NRXN1: variants seen among roughly 807,000 people sequenced by gnomAD.
NRXN1 encodes the protein neurexin-1.
In NRXN1, 39 loss-of-function variants were observed where a neutral mutation model predicts 150.9. That is an observed-to-expected ratio of 0.26 (90% CI 0.20 to 0.34). The LOEUF (loss-of-function observed/expected upper bound fraction) is 0.34. Among genes scored for constraint, NRXN1 ranks in the 10% least tolerant of loss-of-function variants. The pLI, the probability that NRXN1 is intolerant of heterozygous loss-of-function variation, is 1.00. For synonymous variants in NRXN1, 924 were observed against 757.0 expected (o/e 1.22, Z -3.62); for missense variants, 1,815 against 1,949.9 (o/e 0.93, Z 1.30).
At chr2:50,993,111 T>C (rs1296859072) in intron 2 of NRXN1, among the ~76,000 whole-genome samples, 1 of 151,944 alleles carries the variant, frequency 6.6e-6, no homozygotes, top group Admixed American at 6.6e-5. Flanking sequence ...GAAGCATACA[T>C]GTATTAGGAG....
intron 2 of NRXN1, among the ~76,000 whole-genome samples, chr2:50,978,475 A>G (rs560171190): frequency 6.6e-6 from 1 of 151,348 alleles, no homozygotes; most frequent in South Asian, 2.1e-4. Flanking sequence ...CAATTACCAT[A>G]CCATAATTCA....
chr2:50,433,563 AT>A (rs11383115), intron 17 of NRXN1, among the ~76,000 whole-genome samples: 1,932 of 144,458 alleles, frequency 0.013, 39 homozygotes, highest in African/African-American at 0.042. Flanking sequence ...GGAGGTAATA[AT>A]TTTTTTTTTT....
intron 10 of NRXN1, among the ~76,000 whole-genome samples, chr2:50,535,785 G>A (rs1350190863): frequency 2.0e-5 from 3 of 152,008 alleles, no homozygotes; most frequent in Non-Finnish European, 4.4e-5. Context: ...GCTTCCTTAG[G>A]CATGATAAAC....
rs980270362 is a variant in NRXN1, at chr2:50,349,450, C to T, written c.3365-112480G>A. ...AGAGCTTCAAAAAGAAAAGGAAAAT[C>T]ATCCACACAGTATGTTTTCAGGACT... On this transcript the variant is annotated intron_variant, in intron 17 of 22. Coordinates refer to ENST00000401669, the MANE Select transcript of NRXN1 (RefSeq NM_001330078.2). Among the ~76,000 whole-genome samples the T allele has an allele frequency of 5.9e-5, 9 of 152,164 alleles. No individual in the cohort carries two copies. The East Asian group carries it at 1.7e-3, about 29-fold the overall frequency.
intron 5 of NRXN1, among the ~76,000 whole-genome samples, chr2:50,660,682 T>C (rs72837009): frequency 0.05 from 7,578 of 152,116 alleles, 481 homozygotes; most frequent in East Asian, 0.25. Context: ...TGTGAATGTC[T>C]GGTGCTTGGA....
chr2:50,808,261 G>T (rs945970333), intron 5 of NRXN1, among the ~76,000 whole-genome samples: 1 of 151,990 alleles, frequency 6.6e-6, no homozygotes, highest in Non-Finnish European at 1.5e-5. Context: ...GGATAAAGAA[G>T]CAATGAAAAA....
chr2:50,646,216 T>C (rs977762431), intron 5 of NRXN1, among the ~76,000 whole-genome samples: 1 of 151,894 alleles, frequency 6.6e-6, no homozygotes, highest in African/African-American at 2.4e-5. Context: ...ACCAACCTAA[T>C]AGAAAAGAAT....
chr2:50,505,617 G>C (rs1573303492), intron 13 of NRXN1, among the ~76,000 whole-genome samples: 1 of 152,070 alleles, frequency 6.6e-6, no homozygotes, highest in Non-Finnish European at 1.5e-5. Flanking sequence ...CTTCTGCCCT[G>C]TAAATTTTTT....
intron 2 of NRXN1, among the ~76,000 whole-genome samples, chr2:51,006,281 A>G (rs1173694674): frequency 1.3e-5 from 2 of 151,754 alleles, no homozygotes; most frequent in African/African-American, 4.8e-5. Context: ...CATTCTCAGT[A>G]AACTATCGCA....
Position 50,041,520 on chromosome 2 carries a change from A to C in NRXN1, c.4128+11751T>G, listed in dbSNP as rs539917632. On this transcript the variant is annotated intron_variant, in intron 21 of 22. Coordinates refer to ENST00000401669, the MANE Select transcript of NRXN1 (RefSeq NM_001330078.2). ...TTCTTCCACTCCCCCTAACTGGCTG[A>C]AGACATCAAAAAATCAGACAAACTG... Among the ~76,000 whole-genome samples, 4 of 152,288 alleles carry C rather than the reference A, an allele frequency of 2.6e-5. No homozygotes were observed. In the East Asian group the frequency reaches 7.7e-4, roughly 29 times the overall value.
At chr2:50,512,216 T>C (rs914793355) in intron 12 of NRXN1, among the ~76,000 whole-genome samples, 1 of 152,198 alleles carries the variant, frequency 6.6e-6, no homozygotes, top group African/African-American at 2.4e-5. Context: ...ATTTTTATTA[T>C]TACTGTTACT....
intron 17 of NRXN1, among the ~76,000 whole-genome samples, chr2:50,282,380 T>G (rs998238734): frequency 2.0e-5 from 3 of 152,178 alleles, no homozygotes; most frequent in African/African-American, 7.2e-5. Flanking sequence ...AGTTGACCCT[T>G]GAGCAATACA....
At chr2:50,271,839 A>G (rs2069707859) in intron 17 of NRXN1, among the ~76,000 whole-genome samples, 1 of 152,182 alleles carries the variant, frequency 6.6e-6, no homozygotes, top group Non-Finnish European at 1.5e-5. Flanking sequence ...TAAAAAGACA[A>G]GAGAAAAAAA....
At chr2:50,323,108 A>T (rs985304142) in intron 17 of NRXN1, among the ~76,000 whole-genome samples, 1 of 152,156 alleles carries the variant, frequency 6.6e-6, no homozygotes, top group Non-Finnish European at 1.5e-5. Context: ...CTTCCACCCA[A>T]TTAACAAATC....
At position 50,962,514 on chromosome 2, in the gene NRXN1, C is replaced by G. The variant is rs945246276; in HGVS notation, c.773-36559G>C. Among the ~76,000 whole-genome samples the G allele has an allele frequency of 6.0e-5, 5 of 83,258 alleles. No individual in the cohort carries two copies. The Admixed American group carries it at 6.2e-4, about 10-fold the overall frequency. The allele number at this position is 83,258 out of a possible 152,430, so 54.6% of individuals were successfully genotyped here. A position where few individuals can be genotyped will look rare whatever the true frequency, so the allele number is the denominator to read the frequency against. ...CTCTATATATTCACAGAGCCAAGTG[C>G]TTGGTTTGTTTGTTTGTTTGTTTGT... is the stretch of plus-strand genomic sequence containing the variant. On this transcript the variant is annotated intron_variant, in intron 2 of 22. Coordinates refer to ENST00000401669, the MANE Select transcript of NRXN1 (RefSeq NM_001330078.2).
intron 5 of NRXN1, among the ~76,000 whole-genome samples, chr2:50,814,380 C>A (rs1465033834): frequency 6.6e-6 from 1 of 152,120 alleles, no homozygotes; most frequent in Non-Finnish European, 1.5e-5. Flanking sequence ...TCACCCCTTA[C>A]CCCTTCTCAT....
At chr2:50,187,155 A>G (rs2152817848) in intron 18 of NRXN1, among the ~76,000 whole-genome samples, 1 of 152,220 alleles carries the variant, frequency 6.6e-6, no homozygotes, top group East Asian at 1.9e-4. Flanking sequence ...GTGCAACTGT[A>G]TAGCATAAAG....
At chr2:50,157,001 T>C (rs962686720) in intron 18 of NRXN1, among the ~76,000 whole-genome samples, 2 of 152,070 alleles carry the variant, frequency 1.3e-5, no homozygotes, top group East Asian at 1.9e-4. Flanking sequence ...GTGCTTTGTA[T>C]GTATTATCTT....
At chr2:50,237,289 G>C (rs1183688628) in intron 17 of NRXN1, among the ~76,000 whole-genome samples, 1 of 151,980 alleles carries the variant, frequency 6.6e-6, no homozygotes, top group Admixed American at 6.6e-5. Flanking sequence ...CAGTTTTTAA[G>C]AAATAGTTTA....
Sources: gnomAD v4.1 joint callset for allele counts (sites outside exome capture counted in the v4.1 genomes callset) on GRCh38, gnomAD v4.1.1 for gene constraint, MANE v1.5 for transcripts, NCBI Gene and HGNC (gene_info 2026-07-23, HGNC 2026-07-21) for gene names.